The following TEC variants were observed in gnomAD, a reference collection of about 807,000 sequenced individuals.
TEC encodes the protein tyrosine-protein kinase Tec.
In TEC, 72 loss-of-function variants were observed where a neutral mutation model predicts 93.0. The observed-to-expected ratio is 0.77, with a 90% CI of 0.64 to 0.94. The LOEUF (loss-of-function observed/expected upper bound fraction) is 0.94, where lower values mean the gene tolerates loss of function less well. Ranked by LOEUF, TEC falls within the 40% of genes least tolerant of loss-of-function variation. The pLI is 0.00. For synonymous variants in TEC, 249 were observed against 247.7 expected, an observed-to-expected ratio of 1.01 and a Z score of -0.05; for missense variants, 630 against 757.9, an observed-to-expected ratio of 0.83 and a Z score of 1.98.
intron 2 of TEC, among the ~76,000 whole-genome samples, chr4:48,225,353 G>T (rs1003128995): frequency 6.6e-6 from 1 of 151,952 alleles, no homozygotes; most frequent in Admixed American, 6.6e-5. Context: ...TTTTTTGTAT[G>T]TTTAGTAGAG....
At chr4:48,256,266 A>G (rs1308248055) in intron 1 of TEC, among the ~76,000 whole-genome samples, 1 of 152,002 alleles carries the variant, frequency 6.6e-6, no homozygotes, top group Non-Finnish European at 1.5e-5. Context: ...AAGGGCTACA[A>G]TCCACCGCCC....
intron 17 of TEC, among the ~76,000 whole-genome samples, 171 bp from the exon 18 acceptor site, chr4:48,137,670 G>A (rs1719484364): frequency 6.6e-6 from 1 of 152,126 alleles, no homozygotes. Context: ...TACCCTGCAT[G>A]TACTGCTGCT....
chr4:48,254,837 A>T (rs1323752891), intron 1 of TEC, among the ~76,000 whole-genome samples: 1 of 152,036 alleles, frequency 6.6e-6, no homozygotes, highest in Non-Finnish European at 1.5e-5. Context: ...GTTGGTGAGG[A>T]GGTGTTGGGT....
At chr4:48,155,230 A>T (rs942341734) in intron 9 of TEC, among the ~76,000 whole-genome samples, 3 of 152,240 alleles carry the variant, frequency 2.0e-5, no homozygotes, top group African/African-American at 7.2e-5. Flanking sequence ...GTATCTGACT[A>T]GGGAATGTTT....
rs761626081 is a variant in TEC at position 48,138,717 on chromosome 4, G to A, written c.1760C>T (p.Pro587Leu). Residue 587 changes from proline to leucine, a missense_variant, in exon 17 of 18, where the codon CCG (proline) becomes CTG (leucine). By Grantham distance (98) the Pro-to-Leu change is moderately conservative (BLOSUM62 -3). Coordinates refer to ENST00000381501, the MANE Select transcript of TEC (RefSeq NM_003215.3). Reference sequence around the variant, plus strand: ...ATACACATAGTTGGACGCCAACTTCGGCTGGTAGAGTCGGTGGCCTCGAGT... The same window carrying A: ...ATACACATAGTTGGACGCCAACTTCAGCTGGTAGAGTCGGTGGCCTCGAGT... Reference protein sequence around the residue: ...MVTRGHRLYQPKLASNYVYEV... With the variant: ...MVTRGHRLYQLKLASNYVYEV... 1.1e-5 allele frequency: 18 copies of A among 1,613,996 alleles called. No homozygotes were observed. Among genetic ancestry groups the A allele is most frequent in the African/African-American group, 5.3e-5 (4 of 74,908 alleles).
chr4:48,149,529 T>A, intron 11 of TEC, 28 bp downstream of exon 11: 1 of 1,566,632 alleles, frequency 6.4e-7, no homozygotes, highest in African/African-American at 1.4e-5. Flanking sequence ...TACCTTATAT[T>A]TGAAGTAGGT....
intron 1 of TEC, among the ~76,000 whole-genome samples, chr4:48,256,946 C>T (rs1339684656): frequency 1.3e-5 from 2 of 152,274 alleles, no homozygotes; most frequent in Non-Finnish European, 2.9e-5. Flanking sequence ...CTAATGAGCA[C>T]TTGAAATGAA....
intron 1 of TEC, among the ~76,000 whole-genome samples, chr4:48,249,965 A>C (rs1223086194): frequency 2.0e-5 from 3 of 152,260 alleles, no homozygotes; most frequent in Admixed American, 6.5e-5. Context: ...GGATTTCAGT[A>C]GATCCCAGCC....
At chr4:48,231,918 T>C (rs1577660320) in intron 1 of TEC, among the ~76,000 whole-genome samples, 1 of 152,220 alleles carries the variant, frequency 6.6e-6, no homozygotes, top group South Asian at 2.1e-4. Flanking sequence ...GCAGGACTTA[T>C]ATGCAGTTCT....
intron 9 of TEC, chr4:48,155,701 A>T (rs1720371937): frequency 6.6e-6 from 1 of 152,204 alleles, no homozygotes; most frequent in Admixed American, 6.5e-5. Context: ...ACTCATGAGC[A>T]GGGGGCTTCT....
chr4:48,246,569 T>C (rs1279517333), intron 1 of TEC, among the ~76,000 whole-genome samples: 1 of 151,834 alleles, frequency 6.6e-6, no homozygotes, highest in African/African-American at 2.4e-5. Flanking sequence ...TAAGGATAGA[T>C]ATATAGATCA....
At chr4:48,223,544 G>T (rs1456365369) in intron 2 of TEC, among the ~76,000 whole-genome samples, 1 of 152,134 alleles carries the variant, frequency 6.6e-6, no homozygotes, top group African/African-American at 2.4e-5. Flanking sequence ...ACTTAATACA[G>T]AATTGTTTTG....
intron 11 of TEC, 130 bp from the exon 12 acceptor site, chr4:48,146,529 G>A: frequency 5.4e-6 from 4 of 745,854 alleles, no homozygotes; most frequent in South Asian, 3.5e-5. Context: ...TGTACATACA[G>A]CACTCTGCTA....
intron 2 of TEC, among the ~76,000 whole-genome samples, chr4:48,211,565 T>C (rs1471722278): frequency 6.6e-6 from 1 of 152,346 alleles, no homozygotes; most frequent in East Asian, 1.9e-4. Flanking sequence ...TACTATTTTC[T>C]AAAGTGTTAA....
At chr4:48,255,953 T>C (rs1449610024) in intron 1 of TEC, among the ~76,000 whole-genome samples, 1 of 152,152 alleles carries the variant, frequency 6.6e-6, no homozygotes, top group East Asian at 1.9e-4. Context: ...TAAGGACAAC[T>C]GAGGACACAA....
chr4:48,245,423 C>A (rs1406928162), intron 1 of TEC, among the ~76,000 whole-genome samples: 1 of 152,148 alleles, frequency 6.6e-6, no homozygotes, highest in South Asian at 2.1e-4. Flanking sequence ...CACATACACA[C>A]ACAAACACAC....
At chr4:48,219,633 TTCTCTC>T (rs374194072) in intron 2 of TEC, among the ~76,000 whole-genome samples, 1 of 150,464 alleles carries the variant, frequency 6.6e-6, no homozygotes, top group South Asian at 2.1e-4. Flanking sequence ...GTATGCTGCC[TTCTCTC>T]TCTCTCTCTG....
intron 2 of TEC, among the ~76,000 whole-genome samples, chr4:48,177,784 C>T (rs1443059011): frequency 6.6e-6 from 1 of 152,148 alleles, no homozygotes; most frequent in African/African-American, 2.4e-5. Flanking sequence ...CCGCAGTTTC[C>T]CACATGCTGT....
At chr4:48,186,750 C>G (rs553842732) in intron 2 of TEC, among the ~76,000 whole-genome samples, 1 of 151,600 alleles carries the variant, frequency 6.6e-6, no homozygotes, top group Non-Finnish European at 1.5e-5. Context: ...TCAGCCGCCC[C>G]GTCCGGGAGG....
Sources: allele counts gnomAD v4.1 joint callset (sites outside exome capture counted in the v4.1 genomes callset), GRCh38; gene constraint gnomAD v4.1.1; transcripts MANE v1.5; gene names NCBI Gene and HGNC (gene_info 2026-07-23, HGNC 2026-07-21).